PPP2R2D: variants seen among roughly 807,000 people sequenced by gnomAD.
The protein encoded by PPP2R2D is serine/threonine-protein phosphatase 2A 55 kDa regulatory subunit B delta isoform.
A neutral mutation model predicts 31.1 loss-of-function variants in PPP2R2D; 9 were observed. The observed-to-expected ratio is 0.29, with a 90% CI of 0.17 to 0.51. The LOEUF (loss-of-function observed/expected upper bound fraction) is 0.51. Ranked by LOEUF, PPP2R2D falls within the 20% of genes least tolerant of loss-of-function variation. PPP2R2D has a pLI of 0.98. For synonymous variants in PPP2R2D, 179 were observed against 172.6 expected, an observed-to-expected ratio of 1.04 and a Z score of -0.29; for missense variants, 391 against 465.6, an observed-to-expected ratio of 0.84 and a Z score of 1.48.
At chr10:131,954,230 T>C (rs955533502) in intron 8 of PPP2R2D, among the ~76,000 whole-genome samples, 4 of 152,246 alleles carry the variant, frequency 2.6e-5, no homozygotes, top group African/African-American at 9.6e-5. Context: ...ATCATAAATC[T>C]GTATGAAAGC....
rs1330799370 is a variant in PPP2R2D at position 131,947,985 on chromosome 10, G to T, written c.1082+194G>T. Among the ~76,000 whole-genome samples the T allele has an allele frequency of 6.6e-6, 1 of 152,258 alleles. No individual in the cohort carries two copies. Among genetic ancestry groups the T allele is most frequent in the African/African-American group, 2.4e-5 (1 of 41,472 alleles). ...GATCTCTGAGCAAGTTTCTCACCTA[G>T]CTTGTCATTCCATTTATATTTAGAC... On this transcript the variant is annotated intron_variant, in intron 8 of 8. Coordinates refer to ENST00000455566, the MANE Select transcript of PPP2R2D (RefSeq NM_018461.5). This position sits in a 1 kb window ranked among gnomAD's most constrained non-coding sequence, Gnocchi z 4.3.
Position 131,945,306 on chromosome 10 carries a change from A to T in PPP2R2D, c.667A>T (p.Ile223Phe). Reference protein sequence around the residue: ...ITDRSFNIVDIKPANMEELTE... With the variant: ...ITDRSFNIVDFKPANMEELTE... Reference sequence around the variant, plus strand: ...CCATGCACTCCCAGACATCGTGGACATCAAGCCTGCTAACATGGAGGAGCT... The same window carrying T: ...CCATGCACTCCCAGACATCGTGGACTTCAAGCCTGCTAACATGGAGGAGCT... Residue 223 changes from isoleucine (I) to phenylalanine (F), a missense_variant, in exon 7 of 9, where the codon ATC becomes TTC. By Grantham distance (21) the Ile-to-Phe change is conservative (BLOSUM62 0). This residue lies in a region of PPP2R2D where 123 missense variants were observed against 187.7 expected (regional missense o/e 0.66). Coordinates refer to ENST00000455566, the MANE Select transcript of PPP2R2D (RefSeq NM_018461.5). The surrounding 1 kb of genome is among the most constrained non-coding windows in gnomAD (Gnocchi z 4.8). 6.2e-7 allele frequency: 1 copy of T among 1,613,732 alleles called. No homozygotes were observed. Among genetic ancestry groups the T allele is most frequent in the South Asian group, 1.1e-5 (1 of 90,994 alleles).
intron 7 of PPP2R2D, among the ~76,000 whole-genome samples, chr10:131,946,638 T>C (rs575882954): frequency 6.6e-6 from 1 of 152,374 alleles, no homozygotes; most frequent in South Asian, 2.1e-4. Context: ...ATTCCAGTTC[T>C]ATTTGTCATC....
the PPP2R2D span, chr10:131,971,301 G>A: frequency 9.1e-6 from 3 of 330,164 alleles, no homozygotes; most frequent in South Asian, 6.5e-5. Context: ...CGTGACATGA[G>A]GGCAAAGATG....
chr10:131,960,288 A>G (rs781873639), downstream of PPP2R2D, among the ~76,000 whole-genome samples: 1 of 152,208 alleles, frequency 6.6e-6, no homozygotes, highest in African/African-American at 2.4e-5. Flanking sequence ...TCAGCTTCTG[A>G]AGGTTAATGC....
At chr10:131,930,492 C>T (rs1273236809) in intron 2 of PPP2R2D, among the ~76,000 whole-genome samples, 3 of 152,226 alleles carry the variant, frequency 2.0e-5, no homozygotes, top group Non-Finnish European at 2.9e-5. Flanking sequence ...TGGCTCTTTG[C>T]ATATTCGAAA....
At chr10:131,921,353 C>T (rs1459542987) in intron 2 of PPP2R2D, among the ~76,000 whole-genome samples, 2 of 152,170 alleles carry the variant, frequency 1.3e-5, no homozygotes, top group Admixed American at 6.5e-5. Flanking sequence ...CGCTGCCCCA[C>T]GCACCCAGGG....
At chr10:131,930,773 G>C (rs2036206457) in intron 2 of PPP2R2D, among the ~76,000 whole-genome samples, 1 of 152,212 alleles carries the variant, frequency 6.6e-6, no homozygotes, top group Non-Finnish European at 1.5e-5. Flanking sequence ...CTGAGCCTGG[G>C]AACGGGGCCT....
the PPP2R2D span, chr10:131,967,692 A>T: frequency 2.6e-5 from 4 of 152,740 alleles, no homozygotes; most frequent in Non-Finnish European, 4.4e-5. Context: ...AATCTGAAGG[A>T]TTTGGCAAAG....
intron 2 of PPP2R2D, among the ~76,000 whole-genome samples, chr10:131,922,293 T>G (rs981245764): frequency 1.3e-5 from 2 of 152,232 alleles, no homozygotes; most frequent in Admixed American, 1.3e-4. Context: ...TTAATGCTGA[T>G]GTATTCTTGA....
chr10:131,924,554 G>A lies in PPP2R2D; in HGVS notation c.101-9904G>A, dbSNP rs563888806. Among the ~76,000 whole-genome samples the A allele has an allele frequency of 6.6e-5, 10 of 152,154 alleles. No individual in the cohort carries two copies. The South Asian group carries it at 1.7e-3, about 25-fold the overall frequency. ...TCTGTCCTCATGCCAATACCATACT[G>A]TCTTGGTTACTATAGCTTTATGGTA... On this transcript the variant is annotated intron_variant, in intron 2 of 8. Transcript: ENST00000455566.
At chr10:131,955,635 G>T in intron 8 of PPP2R2D, 49 bp from the exon 9 acceptor site, 2 of 1,356,704 alleles carry the variant, frequency 1.5e-6, no homozygotes, top group Non-Finnish European at 1.9e-6. Flanking sequence ...AGTCCTTGCT[G>T]CCGCTCCCCC....
chr10:131,962,646 C>T (rs782737373), downstream of PPP2R2D, among the ~76,000 whole-genome samples: 5 of 152,156 alleles, frequency 3.3e-5, no homozygotes, highest in Non-Finnish European at 5.9e-5. Flanking sequence ...GACCGTCCAT[C>T]GCTGGTGTGT....
chr10:131,941,053 T>TA (rs1367487649), intron 5 of PPP2R2D, among the ~76,000 whole-genome samples: 3 of 152,038 alleles, frequency 2.0e-5, no homozygotes, highest in Admixed American at 2.0e-4. Context: ...ACCTCACAGG[T>TA]GCAGTAGCAC....
intron 8 of PPP2R2D, among the ~76,000 whole-genome samples, chr10:131,954,821 C>T (rs528781246): frequency 4.6e-5 from 7 of 152,152 alleles, no homozygotes; most frequent in African/African-American, 1.4e-4. Context: ...GACGTGAGGG[C>T]GCGGGTTAGT....
chr10:131,925,018 T>C (rs2036076329), intron 2 of PPP2R2D, among the ~76,000 whole-genome samples: 1 of 152,246 alleles, frequency 6.6e-6, no homozygotes, highest in African/African-American at 2.4e-5. Context: ...GTGTCCTTGC[T>C]GAACCTGTTT....
At chr10:131,908,084 A>T (rs1447210233) in intron 2 of PPP2R2D, among the ~76,000 whole-genome samples, 1 of 152,226 alleles carries the variant, frequency 6.6e-6, no homozygotes, top group African/African-American at 2.4e-5. Context: ...AGTATTAGAT[A>T]CAACTGTTAA....
At chr10:131,915,100 T>G (rs2035754017) in intron 2 of PPP2R2D, among the ~76,000 whole-genome samples, 1 of 151,774 alleles carries the variant, frequency 6.6e-6, no homozygotes, top group South Asian at 2.1e-4. Flanking sequence ...TTTTTTTTTT[T>G]AATTTCAATA....
At chr10:131,932,064 G>A (rs983715510) in intron 2 of PPP2R2D, among the ~76,000 whole-genome samples, 8 of 152,110 alleles carry the variant, frequency 5.3e-5, no homozygotes, top group Non-Finnish European at 1.2e-4. Context: ...GGGTGGGAGG[G>A]TAAAGGAGAT....
Sources: gnomAD v4.1 joint callset for allele counts (sites outside exome capture counted in the v4.1 genomes callset) on GRCh38, gnomAD v4.1.1 for gene constraint, gnomAD v4.1.1 regional missense constraint, Gnocchi (gnomAD v3.1) non-coding constraint, MANE v1.5 for transcripts, NCBI Gene and HGNC (gene_info 2026-07-23, HGNC 2026-07-21) for gene names.